Variants in MYH10 observed in about 807,000 individuals in gnomAD.
The protein encoded by MYH10 is myosin heavy chain 10, also known as myosin-10.
MYH10 carries 55 observed loss-of-function variants against 257.8 expected under a neutral mutation model. The ratio of observed to expected loss-of-function variants is 0.21; its 90% CI spans 0.17 to 0.27. The LOEUF (loss-of-function observed/expected upper bound fraction) is 0.27, where lower values mean the gene tolerates loss of function less well. Ranked by LOEUF, MYH10 falls within the 10% of genes least tolerant of loss-of-function variation. MYH10 has a pLI of 1.00. For missense variants in MYH10, 1,631 were observed against 2,500.6 expected, an observed-to-expected ratio of 0.65 and a Z score of 7.42; for synonymous variants, 854 against 921.7, an observed-to-expected ratio of 0.93 and a Z score of 1.33.
chr17:8,624,699 T>C (rs142897981), intron 1 of MYH10, among the ~76,000 whole-genome samples: 111 of 152,336 alleles, frequency 7.3e-4, no homozygotes, highest in Admixed American at 1.4e-3. Context: ...GCTATAACGT[T>C]CTCTAGATTC....
chr17:8,492,234 T>C, intron 34 of MYH10, 63 bp downstream of exon 34: 1 of 1,522,368 alleles, frequency 6.6e-7, no homozygotes, highest in Non-Finnish European at 9.0e-7. Context: ...CGCTCCTGTG[T>C]GAAGGCCCAG....
At chr17:8,501,382 T>C (rs1917479616) in intron 28 of MYH10, among the ~76,000 whole-genome samples, 1 of 152,162 alleles carries the variant, frequency 6.6e-6, no homozygotes. Context: ...GGTCTTCAAA[T>C]TGTTCTGGGT....
In MYH10 at chr17:8,475,319, G is replaced by A. The variant is rs1382229350; in HGVS notation, c.*485C>T. The A allele has an allele frequency of 1.9e-5, 3 of 153,940 alleles. No homozygotes were observed. Among genetic ancestry groups the A allele is most frequent in the African/African-American group, 7.2e-5 (3 of 41,590 alleles). The allele number at this position is 153,940 out of a possible 1,614,324, so 9.5% of individuals were successfully genotyped here. On this transcript the variant is annotated 3_prime_UTR_variant, in exon 43 of 43. Coordinates refer to ENST00000360416, the MANE Select transcript of MYH10 (RefSeq NM_001256012.3). ...ATTGATCATTATTTGAAGGAAATGA[G>A]AGAGACAAGTGCAGTTTAGAGTCCA...
chr17:8,546,367 AT>A (rs1206160009), intron 12 of MYH10, among the ~76,000 whole-genome samples, 176 bp downstream of exon 12: 3 of 150,528 alleles, frequency 2.0e-5, no homozygotes, highest in Admixed American at 6.7e-5. Context: ...CCCCTTTTAA[AT>A]TTTTTCGAAA....
intron 6 of MYH10, chr17:8,573,732 A>G (rs2083418955): frequency 4.9e-6 from 3 of 618,044 alleles, no homozygotes; most frequent in Non-Finnish European, 6.1e-6. Context: ...AGTACACCAA[A>G]AGTTCATAGA....
chr17:8,509,073 G>A (rs930494109), intron 25 of MYH10, among the ~76,000 whole-genome samples: 1 of 152,134 alleles, frequency 6.6e-6, no homozygotes, highest in African/African-American at 2.4e-5. Flanking sequence ...TTCCAGTCCT[G>A]CAAGCTCCGT....
At chr17:8,527,659 TG>T (rs1327357843) in intron 17 of MYH10, among the ~76,000 whole-genome samples, 1 of 152,214 alleles carries the variant, frequency 6.6e-6, no homozygotes, top group African/African-American at 2.4e-5. Flanking sequence ...GCCACGGCAA[TG>T]GCAACTCTAC....
chr17:8,620,523 ATAAC>A (rs1463285362), intron 2 of MYH10, among the ~76,000 whole-genome samples: 2 of 152,194 alleles, frequency 1.3e-5, no homozygotes, highest in Non-Finnish European at 2.9e-5. Context: ...AGAAAATAAA[ATAAC>A]TAAACCTGTT....
intron 2 of MYH10, among the ~76,000 whole-genome samples, chr17:8,605,314 T>A (rs1171909056): frequency 6.6e-6 from 1 of 152,222 alleles, no homozygotes; most frequent in African/African-American, 2.4e-5. Flanking sequence ...CATTCTCTCA[T>A]GAGTACACAA....
In MYH10 at chr17:8,595,508, C is replaced by A. The variant is rs973959174; in HGVS notation, c.503-6400G>T. 2.7e-5 allele frequency among the ~76,000 whole-genome samples: 4 copies of A among 146,950 alleles called. No homozygotes were observed. In the Admixed American group the frequency reaches 2.7e-4, roughly 10 times the overall value. Reference sequence around the variant, plus strand: ...AGTGCAATGGCGTGATCTCCGCTCACTGCAACCTCCGCCTCCCGGGTTCAA... The same window carrying A: ...AGTGCAATGGCGTGATCTCCGCTCAATGCAACCTCCGCCTCCCGGGTTCAA... On this transcript the variant is annotated intron_variant, in intron 3 of 42. Coordinates refer to ENST00000360416, the MANE Select transcript of MYH10 (RefSeq NM_001256012.3).
In MYH10 at chr17:8,504,622, C is replaced by T. The variant is rs927376673; in HGVS notation, c.3599+72G>A. 3.0e-6 allele frequency: 4 copies of T among 1,338,834 alleles called. No homozygotes were observed. The highest frequency in any genetic ancestry group is 4.2e-6 in the Non-Finnish European group (4 of 951,552). The allele number at this position is 1,338,834 out of a possible 1,614,324, so 82.9% of individuals were successfully genotyped here. A position where few individuals can be genotyped will look rare whatever the true frequency, so the allele number is the denominator to read the frequency against. ...CCACCTCCCAAAGATAGCAAGCACA[C>T]CAGGCATTTCTGCACGGGCTCGGTG... On this transcript the variant is annotated intron_variant, in intron 28 of 42. Transcript: ENST00000360416. The surrounding 1 kb of genome is among the most constrained non-coding windows in gnomAD (Gnocchi z 5.6).
intron 7 of MYH10, among the ~76,000 whole-genome samples, chr17:8,558,075 C>T (rs564369644): frequency 1.4e-4 from 22 of 152,194 alleles, no homozygotes; most frequent in African/African-American, 4.6e-4. Context: ...AATTAAGAGT[C>T]GCATAATAAA....
intron 30 of MYH10, among the ~76,000 whole-genome samples, chr17:8,498,783 G>C (rs1252108764): frequency 6.6e-6 from 1 of 152,100 alleles, no homozygotes; most frequent in Non-Finnish European, 1.5e-5. Flanking sequence ...GGGAGACAGA[G>C]GGTGCAGTGA....
chr17:8,481,274 G>A (rs369783633), intron 38 of MYH10, 48 bp downstream of exon 38: 2 of 1,571,220 alleles, frequency 1.3e-6, no homozygotes, highest in Non-Finnish European at 8.7e-7. Flanking sequence ...TCTCAGCAGT[G>A]CGCGTGCCTG....
intron 7 of MYH10, among the ~76,000 whole-genome samples, chr17:8,563,883 T>A (rs1376238731): frequency 4.3e-5 from 3 of 69,232 alleles, no homozygotes; most frequent in Non-Finnish European, 9.0e-5. Context: ...CTGGCTTAAG[T>A]CAACTTGGAA....
chr17:8,598,662 G>C (rs1167145498), intron 3 of MYH10, among the ~76,000 whole-genome samples: 1 of 151,338 alleles, frequency 6.6e-6, no homozygotes, highest in Non-Finnish European at 1.5e-5. Context: ...TTTCTTAAAA[G>C]TGGCTTTTGC....
At position 8,506,936 on chromosome 17, in the gene MYH10, G is replaced by C. The variant is rs1301373613; in HGVS notation, c.3215-447C>G. Among the ~76,000 whole-genome samples, 1 of 152,222 alleles carries C rather than the reference G, an allele frequency of 6.6e-6. No homozygotes were observed. Among genetic ancestry groups the C allele is most frequent in the East Asian group, 1.9e-4 (1 of 5,206 alleles). On this transcript the variant is annotated intron_variant, in intron 26 of 42. Coordinates refer to ENST00000360416, the MANE Select transcript of MYH10 (RefSeq NM_001256012.3). This position sits in a 1 kb window ranked among gnomAD's most constrained non-coding sequence, Gnocchi z 5.0. Reference sequence around the variant, plus strand: ...ACTGCCATCCTCGAGTACTGGGAGAGAGGAGACAGAAGAGTGGGCAGAGAG... The same window carrying C: ...ACTGCCATCCTCGAGTACTGGGAGACAGGAGACAGAAGAGTGGGCAGAGAG...
chr17:8,543,307 G>C (rs1183586599), intron 13 of MYH10, among the ~76,000 whole-genome samples: 2 of 152,124 alleles, frequency 1.3e-5, no homozygotes, highest in African/African-American at 4.8e-5. Context: ...GTCATGCAAG[G>C]AGGGCAGGGG....
At chr17:8,554,909 C>T (rs1165580622) in intron 7 of MYH10, among the ~76,000 whole-genome samples, 1 of 152,140 alleles carries the variant, frequency 6.6e-6, no homozygotes, top group African/African-American at 2.4e-5. Context: ...ACTGAGATCG[C>T]GCCACTGCAC....
Sources: gnomAD v4.1 joint callset for allele counts (sites outside exome capture counted in the v4.1 genomes callset) on GRCh38, gnomAD v4.1.1 for gene constraint, Gnocchi (gnomAD v3.1) non-coding constraint, MANE v1.5 for transcripts, NCBI Gene and HGNC (gene_info 2026-07-23, HGNC 2026-07-21) for gene names.